Variants in KCNG3 observed in about 807,000 individuals in gnomAD.
The protein encoded by KCNG3 is potassium voltage-gated channel modifier subfamily G member 3.
Under a neutral mutation model 29.0 loss-of-function variants are expected in KCNG3, and 15 were observed. The observed-to-expected ratio is 0.52, with a 90% CI of 0.35 to 0.80. The LOEUF (loss-of-function observed/expected upper bound fraction) is 0.80, where lower values mean the gene tolerates loss of function less well. Ranked by LOEUF, KCNG3 falls within the 30% of genes least tolerant of loss-of-function variation. The pLI, the probability that KCNG3 is intolerant of heterozygous loss-of-function variation, is 0.01. For missense variants in KCNG3, 512 were observed against 605.7 expected, an observed-to-expected ratio of 0.85 and a Z score of 1.62; for synonymous variants, 322 against 248.9, an observed-to-expected ratio of 1.29 and a Z score of -2.76.
chr2:42,460,704 T>C (rs571066931), intron 1 of KCNG3, among the ~76,000 whole-genome samples: 21 of 152,158 alleles, frequency 1.4e-4, no homozygotes, highest in Non-Finnish European at 2.8e-4. Flanking sequence ...AAAACACAGA[T>C]GTGAGCAGAT....
chr2:42,409,699 C>CAAAAAAAAAAAA, the KCNG3 span, among the ~76,000 whole-genome samples: 6 of 51,984 alleles, frequency 1.2e-4, no homozygotes, highest in African/African-American at 3.6e-4. Flanking sequence ...GTGCCTGTCT[C>CAAAAAAAAAAAA]AAAAAAAAAA....
chr2:42,470,323 G>C lies in KCNG3; in HGVS notation c.665+22514C>G, dbSNP rs949829333. 81 of 279,228 alleles carry C rather than the reference G, an allele frequency of 2.9e-4. 1 individual carries two copies. The highest frequency in any genetic ancestry group is 5.4e-4 in the Non-Finnish European group (76 of 140,582). 17.3% of individuals were successfully genotyped at this position (279,228 alleles called of 1,614,324 possible). On this transcript the variant is annotated intron_variant, in intron 1 of 1. Coordinates refer to ENST00000306078, the MANE Select transcript of KCNG3 (RefSeq NM_133329.6). ...TGTTTAAATTTTAAAAAAATGTACA[G>C]ATTCTATAAGCCCCAAAACACCATA...
At position 42,493,091 on chromosome 2, in the gene KCNG3, G is replaced by T; in HGVS notation, c.411C>A (p.Arg137=). The change falls in exon 1 of 2, where the codon CGC becomes CGA. Residue 137 remains arginine (R), a synonymous_variant. Coordinates refer to ENST00000306078, the MANE Select transcript of KCNG3 (RefSeq NM_133329.6). ...CGGCCCCGCCGGGGCGCGCCTCGTC[G>T]CGGCCCAGCACGCCCGGCTCGTCGG... is the stretch of plus-strand genomic sequence containing the variant. ...YSADEPGVLG[R]DEARPGGAEA... 1.3e-6 allele frequency: 2 copies of T among 1,572,498 alleles called. No homozygotes were observed. The highest frequency in any genetic ancestry group is 8.6e-7 in the Non-Finnish European group (1 of 1,163,976).
chr2:42,450,151 A>C (rs1208584856), intron 1 of KCNG3, among the ~76,000 whole-genome samples: 2 of 152,218 alleles, frequency 1.3e-5, no homozygotes, highest in African/African-American at 2.4e-5. Flanking sequence ...GCAGCAGCCA[A>C]AGTTGTTATG....
At chr2:42,490,346 C>T (rs762656032) in intron 1 of KCNG3, among the ~76,000 whole-genome samples, 2 of 152,064 alleles carry the variant, frequency 1.3e-5, no homozygotes, top group African/African-American at 2.4e-5. Context: ...AAGGCCGACA[C>T]GGGTGGATCA....
rs1328091998 is a variant in KCNG3, at chr2:42,477,382, T to TACACACACACAC, written c.665+15454_665+15455insGTGTGTGTGTGT. 4.7e-3 allele frequency among the ~76,000 whole-genome samples: 498 copies of TACACACACACAC among 105,126 alleles called. 4 individuals carry two copies. Among genetic ancestry groups the TACACACACACAC allele is most frequent in the East Asian group, 0.03 (88 of 2,938 alleles). 69.0% of individuals were successfully genotyped at this position (105,126 alleles called of 152,430 possible). ...GTATATACATATATATACACACACA[T>TACACACACACAC]ATATATACACACACACACACACACA... On this transcript the variant is annotated intron_variant, in intron 1 of 1. Transcript: ENST00000306078.
At position 42,443,792 on chromosome 2, in the gene KCNG3, C is replaced by T. The variant is rs1435116498; in HGVS notation, c.*142G>A. 3 of 719,170 alleles carry T rather than the reference C, an allele frequency of 4.2e-6. No individual in the cohort carries two copies. Among genetic ancestry groups the T allele is most frequent in the Non-Finnish European group, 6.9e-6 (3 of 436,998 alleles). 44.5% of individuals were successfully genotyped at this position (719,170 alleles called of 1,614,324 possible). The stretch of plus-strand genomic sequence containing the variant: ...CTCCATAACAAGTAAACTGTTTTAT[C>T]CCTTCGGCTGGGAAGGATAATTTTT... On this transcript the variant is annotated 3_prime_UTR_variant, in exon 2 of 2. Coordinates refer to ENST00000306078, the MANE Select transcript of KCNG3 (RefSeq NM_133329.6).
intron 1 of KCNG3, among the ~76,000 whole-genome samples, chr2:42,447,299 TAC>T (rs59393944): frequency 0.074 from 11,222 of 151,558 alleles, 462 homozygotes; most frequent in South Asian, 0.2. Flanking sequence ...GATACATACA[TAC>T]ACACATATAT....
chr2:42,447,650 G>C (rs909475993), intron 1 of KCNG3, among the ~76,000 whole-genome samples: 1 of 151,646 alleles, frequency 6.6e-6, no homozygotes, highest in South Asian at 2.1e-4. Flanking sequence ...CAAGTAGCTG[G>C]GACTAAGGCA....
intron 1 of KCNG3, among the ~76,000 whole-genome samples, chr2:42,488,614 A>G (rs565915369): frequency 2.7e-5 from 4 of 149,822 alleles, no homozygotes; most frequent in Non-Finnish European, 5.9e-5. Flanking sequence ...CAGTAGCGTG[A>G]TATCGGCTTA....
In KCNG3 at chr2:42,482,644, G is replaced by A. The variant is rs184512100; in HGVS notation, c.665+10193C>T. On this transcript the variant is annotated intron_variant, in intron 1 of 1. Coordinates refer to ENST00000306078, the MANE Select transcript of KCNG3 (RefSeq NM_133329.6). ...CTCAGGGGGCTGAGGCACAAGAATCGCTTGAACCCGGGAGGCTGAGGTTGC... is the reference window on the plus strand; with the variant it reads ...CTCAGGGGGCTGAGGCACAAGAATCACTTGAACCCGGGAGGCTGAGGTTGC... Among the ~76,000 whole-genome samples, 31 of 152,242 alleles carry A rather than the reference G, an allele frequency of 2.0e-4. No homozygotes were observed. The East Asian group carries it at 2.1e-3, about 10-fold the overall frequency.
At chr2:42,447,289 GATAC>G (rs1035824596) in intron 1 of KCNG3, among the ~76,000 whole-genome samples, 1 of 150,084 alleles carries the variant, frequency 6.7e-6, no homozygotes, top group Non-Finnish European at 1.5e-5. Context: ...TATACATACA[GATAC>G]ATACATACAC....
intron 1 of KCNG3, among the ~76,000 whole-genome samples, chr2:42,476,956 C>T (rs1005489272): frequency 4.0e-5 from 6 of 149,714 alleles, no homozygotes; most frequent in Non-Finnish European, 7.4e-5. Context: ...GAGGCTGAGA[C>T]GGCGAGATCA....
At chr2:42,404,565 C>A in the KCNG3 span, among the ~76,000 whole-genome samples, 4 of 152,148 alleles carry the variant, frequency 2.6e-5, no homozygotes, top group African/African-American at 9.7e-5. Context: ...CCCATCTCTA[C>A]TAAAAATACA....
chr2:42,415,322 A>T, the KCNG3 span, among the ~76,000 whole-genome samples: 2 of 152,202 alleles, frequency 1.3e-5, no homozygotes, highest in Non-Finnish European at 2.9e-5. Context: ...TTCTGGTTAT[A>T]ACCCTATAGT....
chr2:42,426,312 T>A, the KCNG3 span, among the ~76,000 whole-genome samples: 1 of 152,220 alleles, frequency 6.6e-6, no homozygotes, highest in African/African-American at 2.4e-5. Context: ...AAATAAAAGC[T>A]ATGTCCATTT....
chr2:42,476,250 T>C (rs977494863), intron 1 of KCNG3, among the ~76,000 whole-genome samples: 5 of 151,806 alleles, frequency 3.3e-5, no homozygotes, highest in African/African-American at 7.2e-5. Context: ...GGTGGGAGGA[T>C]TGCTTGAACT....
Position 42,444,559 on chromosome 2 carries a change from A to G in KCNG3, c.686T>C (p.Ile229Thr), listed in dbSNP as rs1672554024. The change falls in exon 2 of 2, where the codon ATA becomes ACA. Residue 229 changes from isoleucine (I) to threonine (T), a missense_variant. Physicochemically the swap from Ile to Thr is moderately conservative, Grantham distance 89. Coordinates refer to ENST00000306078, the MANE Select transcript of KCNG3 (RefSeq NM_133329.6). The surrounding 1 kb of genome is among the most constrained non-coding windows in gnomAD (Gnocchi z 5.8). ...EPSGIIEAIC[I>T]GWFTAECIVR... The stretch of plus-strand genomic sequence containing the variant: ...GATGCACTCGGCAGTGAACCAACCT[A>G]TGCAGATAGCTTCAATTATCCTGTC... The G allele has an allele frequency of 6.2e-7, 1 of 1,607,520 alleles. No homozygotes were observed.
At chr2:42,478,429 T>C (rs936682783) in intron 1 of KCNG3, among the ~76,000 whole-genome samples, 2 of 151,824 alleles carry the variant, frequency 1.3e-5, no homozygotes, top group East Asian at 1.9e-4. Flanking sequence ...AGAGGTCTCA[T>C]GATATTGCCC....
Sources: gnomAD v4.1 joint callset for allele counts (sites outside exome capture counted in the v4.1 genomes callset) on GRCh38, gnomAD v4.1.1 for gene constraint, Gnocchi (gnomAD v3.1) non-coding constraint, MANE v1.5 for transcripts, NCBI Gene and HGNC (gene_info 2026-07-23, HGNC 2026-07-21) for gene names.